Variants in LRRC4C observed in about 807,000 individuals in gnomAD.
LRRC4C encodes leucine-rich repeat-containing protein 4C.
LRRC4C carries 5 observed loss-of-function variants against 33.6 expected under a neutral mutation model. The observed-to-expected ratio is 0.15, with a 90% confidence interval of 0.08 to 0.31. The LOEUF is 0.31. LRRC4C is among the 10% of genes least tolerant of loss of function. LRRC4C has a pLI of 1.00. For missense variants in LRRC4C, 560 were observed against 796.7 expected (o/e 0.70, Z 3.58); for synonymous variants, 329 against 302.0 (o/e 1.09, Z -0.93).
At chr11:40,816,277 C>CA (rs1951702444) in intron 2 of LRRC4C, among the ~76,000 whole-genome samples, 2 of 152,212 alleles carry the variant, frequency 1.3e-5, no homozygotes, top group South Asian at 4.1e-4. Flanking sequence ...AATAGCTCCA[C>CA]ATCTGTGTGC....
intron 1 of LRRC4C, among the ~76,000 whole-genome samples, chr11:40,964,864 A>G (rs1851230059): frequency 6.6e-6 from 1 of 152,068 alleles, no homozygotes; most frequent in African/African-American, 2.4e-5. Flanking sequence ...AGCATGATTT[A>G]TAATCCTTTG....
intron 1 of LRRC4C, among the ~76,000 whole-genome samples, chr11:41,316,586 A>G (rs1354775403): frequency 6.6e-6 from 1 of 152,206 alleles, no homozygotes; most frequent in Non-Finnish European, 1.5e-5. Context: ...GTCTGAATTA[A>G]GGATCTACGT....
At chr11:41,028,227 C>T (rs1258283241) in intron 1 of LRRC4C, among the ~76,000 whole-genome samples, 1 of 151,268 alleles carries the variant, frequency 6.6e-6, no homozygotes, top group Non-Finnish European at 1.5e-5. Flanking sequence ...AACCTGGTAA[C>T]TAACTCCAGC....
intron 2 of LRRC4C, among the ~76,000 whole-genome samples, chr11:40,816,298 C>T (rs1951703405): frequency 6.6e-6 from 1 of 152,148 alleles, no homozygotes; most frequent in Non-Finnish European, 1.5e-5. Flanking sequence ...CAACAGATTG[C>T]TGGATTTTAC....
intron 1 of LRRC4C, among the ~76,000 whole-genome samples, chr11:40,995,347 T>C (rs991415568): frequency 6.6e-6 from 1 of 152,060 alleles, no homozygotes; most frequent in African/African-American, 2.4e-5. Flanking sequence ...CCTGCTGGGA[T>C]ATATAACAAC....
At chr11:40,701,881 G>A (rs1424577918) in intron 2 of LRRC4C, among the ~76,000 whole-genome samples, 1 of 151,750 alleles carries the variant, frequency 6.6e-6, no homozygotes, top group Admixed American at 6.6e-5. Flanking sequence ...TCTGGAAAAT[G>A]TGCTACATGG....
intron 4 of LRRC4C, among the ~76,000 whole-genome samples, chr11:40,286,374 G>C (rs1037923971): frequency 1.3e-5 from 2 of 152,006 alleles, no homozygotes; most frequent in African/African-American, 4.8e-5. Flanking sequence ...GGGAAGTGTT[G>C]AAAGCTTTCC....
intron 3 of LRRC4C, among the ~76,000 whole-genome samples, chr11:40,322,757 G>A (rs952027352): frequency 6.6e-6 from 1 of 152,126 alleles, no homozygotes; most frequent in African/African-American, 2.4e-5. Flanking sequence ...TCCCTTTTAT[G>A]CTGCTTTGGG....
intron 3 of LRRC4C, among the ~76,000 whole-genome samples, chr11:40,600,882 TA>T (rs11307089): frequency 0.96 from 145,626 of 152,220 alleles, 69,964 homozygotes; most frequent in Middle Eastern, 1. Context: ...CATATCCCCA[TA>T]AATATGAGGA....
intron 1 of LRRC4C, among the ~76,000 whole-genome samples, chr11:41,378,027 G>C (rs545842702): frequency 1.3e-5 from 2 of 152,080 alleles, no homozygotes; most frequent in African/African-American, 4.8e-5. Context: ...TCAGAAAGGC[G>C]GGCAGTGGGG....
intron 1 of LRRC4C, among the ~76,000 whole-genome samples, chr11:41,302,782 T>A (rs951722353): frequency 6.6e-6 from 1 of 152,212 alleles, no homozygotes; most frequent in Non-Finnish European, 1.5e-5. Context: ...CATAATTTAG[T>A]CTTACCCTAA....
At chr11:41,215,384 A>G (rs1947015642) in intron 1 of LRRC4C, among the ~76,000 whole-genome samples, 1 of 149,824 alleles carries the variant, frequency 6.7e-6, no homozygotes, top group Admixed American at 6.7e-5. Flanking sequence ...GCTACTCGGG[A>G]GGCTGAGGCA....
chr11:41,047,065 A>T (rs970080079), intron 1 of LRRC4C, among the ~76,000 whole-genome samples: 2 of 152,146 alleles, frequency 1.3e-5, no homozygotes, highest in Non-Finnish European at 2.9e-5. Flanking sequence ...ACTACCAAAA[A>T]AATGATGAAG....
chr11:40,789,877 C>T (rs1016545020), intron 2 of LRRC4C, among the ~76,000 whole-genome samples: 5 of 152,060 alleles, frequency 3.3e-5, no homozygotes, highest in African/African-American at 1.2e-4. Context: ...GCCATATTAG[C>T]ACAGATGTGG....
chr11:41,268,998 T>C (rs1430450914), intron 1 of LRRC4C, among the ~76,000 whole-genome samples: 1 of 152,160 alleles, frequency 6.6e-6, no homozygotes, highest in African/African-American at 2.4e-5. Flanking sequence ...CTGTGATTCA[T>C]AAATGTGTTC....
At chr11:41,021,023 C>A (rs907373258) in intron 1 of LRRC4C, among the ~76,000 whole-genome samples, 2 of 152,100 alleles carry the variant, frequency 1.3e-5, no homozygotes, top group Non-Finnish European at 2.9e-5. Flanking sequence ...TGCTCTCTAA[C>A]CTTTTCCTTC....
chr11:40,414,238 G>T (rs993304660), intron 3 of LRRC4C, among the ~76,000 whole-genome samples: 26 of 152,040 alleles, frequency 1.7e-4, no homozygotes. Flanking sequence ...ACAGGCACTA[G>T]GAACGAGAGG....
intron 1 of LRRC4C, among the ~76,000 whole-genome samples, chr11:41,139,967 T>C (rs568760609): frequency 6.6e-6 from 1 of 152,292 alleles, no homozygotes; most frequent in Non-Finnish European, 1.5e-5. Flanking sequence ...GTGTATAAGA[T>C]AGCCCTTTGG....
intron 6 of LRRC4C, among the ~76,000 whole-genome samples, chr11:40,137,665 T>G (rs1857073926): frequency 6.6e-6 from 1 of 152,148 alleles, no homozygotes; most frequent in Non-Finnish European, 1.5e-5. Flanking sequence ...ATTGGAAATT[T>G]TAATTATAAA....
Sources: gnomAD v4.1 joint callset for allele counts (sites outside exome capture counted in the v4.1 genomes callset) on GRCh38, gnomAD v4.1.1 for gene constraint, MANE v1.5 for transcripts, NCBI Gene and HGNC (gene_info 2026-07-23, HGNC 2026-07-21) for gene names.